The following JMJD1C variants were observed in gnomAD, a reference collection of about 807,000 sequenced individuals.
The protein encoded by JMJD1C is jumonji domain containing 1C.
In JMJD1C, 31 loss-of-function variants were observed where a neutral mutation model predicts 245.3. The observed-to-expected ratio is 0.13, with a 90% CI of 0.09 to 0.17. The LOEUF (loss-of-function observed/expected upper bound fraction) is 0.17, where lower values mean the gene tolerates loss of function less well. JMJD1C is among the 10% of genes least tolerant of loss of function. The pLI is 1.00. For synonymous variants in JMJD1C, 1,057 were observed against 1,017.4 expected (o/e 1.04, Z -0.74); for missense variants, 2,691 against 3,000.2 (o/e 0.90, Z 2.41).
intron 1 of JMJD1C, among the ~76,000 whole-genome samples, chr10:63,497,600 A>G (rs564269621): frequency 6.6e-6 from 1 of 152,354 alleles, no homozygotes; most frequent in Non-Finnish European, 1.5e-5. Context: ...GCTAAAAACC[A>G]TACAACTGTG....
At chr10:63,213,184 CAA>C (rs1353771228) in intron 8 of JMJD1C, among the ~76,000 whole-genome samples, 10 of 55,912 alleles carry the variant, frequency 1.8e-4, no homozygotes, top group Admixed American at 4.0e-4. Context: ...GACTCCATCT[CAA>C]AAAAAAAAAA....
intron 10 of JMJD1C, among the ~76,000 whole-genome samples, chr10:63,201,413 G>C (rs1041352869): frequency 6.6e-6 from 1 of 151,758 alleles, no homozygotes. Flanking sequence ...AAAGTAAAAA[G>C]GACAAAACTC....
intron 2 of JMJD1C, among the ~76,000 whole-genome samples, chr10:63,330,635 TTC>T (rs1300558338): frequency 6.6e-6 from 1 of 151,938 alleles, no homozygotes; most frequent in African/African-American, 2.4e-5. Context: ...CATTTTTTCT[TTC>T]TCTTCTTAGG....
At chr10:63,170,989 T>C (rs555524898) in intron 24 of JMJD1C, among the ~76,000 whole-genome samples, 3 of 152,342 alleles carry the variant, frequency 2.0e-5, no homozygotes, top group South Asian at 2.1e-4. Context: ...GGTTATTATA[T>C]TGACACTGTG....
chr10:63,185,417 C>T (rs1047044941), intron 20 of JMJD1C, 146 bp downstream of exon 20: 16 of 651,580 alleles, frequency 2.5e-5, no homozygotes, highest in Non-Finnish European at 4.1e-5. Flanking sequence ...TAGGCGTGAG[C>T]CACTATGACG....
chr10:63,503,577 C>G (rs1954627930), intron 1 of JMJD1C, among the ~76,000 whole-genome samples: 1 of 152,180 alleles, frequency 6.6e-6, no homozygotes, highest in Non-Finnish European at 1.5e-5. Flanking sequence ...CCCTTACTCC[C>G]TCCCTCTGAA....
At chr10:63,502,318 G>GT (rs1200528020) in intron 1 of JMJD1C, among the ~76,000 whole-genome samples, 2 of 152,116 alleles carry the variant, frequency 1.3e-5, no homozygotes, top group African/African-American at 4.8e-5. Flanking sequence ...TAGAAAAGCT[G>GT]TTTTTTGTAT....
chr10:63,228,734 A>C (rs1291176912), intron 3 of JMJD1C, among the ~76,000 whole-genome samples: 2 of 152,198 alleles, frequency 1.3e-5, no homozygotes, highest in African/African-American at 4.8e-5. Flanking sequence ...AAATGCTTGA[A>C]ATATATACAA....
At chr10:63,425,740 C>G (rs912766250) in intron 1 of JMJD1C, among the ~76,000 whole-genome samples, 2 of 152,160 alleles carry the variant, frequency 1.3e-5, no homozygotes, top group Non-Finnish European at 2.9e-5. Flanking sequence ...CAAGATTGCA[C>G]CACTGCACTC....
chr10:63,241,551 T>A lies in JMJD1C; in HGVS notation c.448-21568A>T, dbSNP rs183188018. On this transcript the variant is annotated intron_variant, in intron 3 of 25. Transcript: ENST00000399262. ...ATCAGAATAAAAAATAAAGTCTTTA[T>A]AATAGCCTAAAAAGCCCAATTTAAT... Among the ~76,000 whole-genome samples the A allele has an allele frequency of 1.6e-4, 24 of 152,340 alleles. No homozygotes were observed. The East Asian group carries it at 4.6e-3, about 29-fold the overall frequency.
intron 3 of JMJD1C, among the ~76,000 whole-genome samples, chr10:63,225,817 C>T (rs979772436): frequency 2.0e-5 from 3 of 151,340 alleles, no homozygotes; most frequent in Non-Finnish European, 4.4e-5. Flanking sequence ...GGTGCATTTA[C>T]TATGGCAGAC....
chr10:63,255,548 A>G (rs1006693056), intron 3 of JMJD1C, among the ~76,000 whole-genome samples: 1 of 152,188 alleles, frequency 6.6e-6, no homozygotes, highest in Non-Finnish European at 1.5e-5. Flanking sequence ...AGTAAAGTTC[A>G]GCTGTACTTT....
At chr10:63,354,365 T>A (rs529658423) in intron 2 of JMJD1C, among the ~76,000 whole-genome samples, 15 of 152,340 alleles carry the variant, frequency 9.8e-5, no homozygotes, top group African/African-American at 3.6e-4. Context: ...TTGAACATAT[T>A]GCCTATTTAA....
At chr10:63,479,674 C>T (rs1011473243) in intron 1 of JMJD1C, among the ~76,000 whole-genome samples, 3 of 152,200 alleles carry the variant, frequency 2.0e-5, no homozygotes, top group East Asian at 1.9e-4. Context: ...CCCATATTTC[C>T]TGTAAAGTGG....
intron 2 of JMJD1C, among the ~76,000 whole-genome samples, chr10:63,354,712 T>A (rs937332428): frequency 4.0e-5 from 6 of 151,730 alleles, no homozygotes; most frequent in Admixed American, 2.6e-4. Flanking sequence ...TTTTAATATA[T>A]CTGAATTAAA....
chr10:63,269,079 G>C (rs1855978200), intron 2 of JMJD1C: 1 of 985,302 alleles, frequency 1.0e-6, no homozygotes, highest in Non-Finnish European at 1.2e-6. Context: ...AATTTCTCTC[G>C]AGGTCGCTTA....
Position 63,209,181 on chromosome 10 carries a change from T to C in JMJD1C, c.2749A>G (p.Ile917Val), listed in dbSNP as rs748591584. The change falls in exon 9 of 26, where the codon ATT becomes GTT. Residue 917 changes from isoleucine to valine, a missense_variant. This residue lies in a region of JMJD1C where 1,562 missense variants were observed against 1,490.7 expected (regional missense o/e 1.05). Coordinates refer to ENST00000399262, the MANE Select transcript of JMJD1C (RefSeq NM_032776.3). ...QPTPVTSADGIGLLSHIPVRP... is the reference protein window; with the variant it reads ...QPTPVTSADGVGLLSHIPVRP... Reference sequence around the variant, plus strand: ...ACAGGAATGTGACTAAGTAATCCAATACCATCTGCTGAGGTCACAGGGGTG... The same window carrying C: ...ACAGGAATGTGACTAAGTAATCCAACACCATCTGCTGAGGTCACAGGGGTG... The C allele has an allele frequency of 1.2e-6, 2 of 1,613,856 alleles. No individual in the cohort carries two copies. The highest frequency in any genetic ancestry group is 1.3e-5 in the African/African-American group (1 of 75,004).
intron 20 of JMJD1C, among the ~76,000 whole-genome samples, chr10:63,185,036 T>A (rs935669694): frequency 6.6e-6 from 1 of 152,178 alleles, no homozygotes; most frequent in Non-Finnish European, 1.5e-5. Context: ...ATCACAGGCG[T>A]GAGCCACCGT....
chr10:63,215,521 T>C (rs918405529), intron 6 of JMJD1C, 32 bp downstream of exon 6: 1 of 1,607,494 alleles, frequency 6.2e-7, no homozygotes, highest in Non-Finnish European at 8.5e-7. Context: ...GAAAAATATT[T>C]TACAGAAATT....
Sources: gnomAD v4.1 joint callset for allele counts (sites outside exome capture counted in the v4.1 genomes callset) on GRCh38, gnomAD v4.1.1 for gene constraint, gnomAD v4.1.1 regional missense constraint, MANE v1.5 for transcripts, NCBI Gene and HGNC (gene_info 2026-07-23, HGNC 2026-07-21) for gene names.